The following GABRB1 variants were observed in gnomAD, a reference collection of about 807,000 sequenced individuals.
GABRB1 encodes gamma-aminobutyric acid receptor subunit beta-1.
GABRB1 carries 17 observed loss-of-function variants against 51.6 expected under a neutral mutation model. That is an observed-to-expected ratio of 0.33 (90% confidence interval 0.23 to 0.49). The LOEUF (loss-of-function observed/expected upper bound fraction) is 0.49. GABRB1 is among the 20% of genes least tolerant of loss of function. The pLI is 0.99. For synonymous variants in GABRB1, 247 were observed against 218.9 expected, an observed-to-expected ratio of 1.13 and a Z score of -1.14; for missense variants, 410 against 600.6, an observed-to-expected ratio of 0.68 and a Z score of 3.32.
At chr4:47,266,812 G>A (rs1347042943) in intron 4 of GABRB1, among the ~76,000 whole-genome samples, 1 of 152,060 alleles carries the variant, frequency 6.6e-6, no homozygotes, top group Non-Finnish European at 1.5e-5. Context: ...TGAGGGTCCA[G>A]TTTATGTTCA....
At chr4:47,279,329 G>A (rs1723193639) in intron 4 of GABRB1, among the ~76,000 whole-genome samples, 1 of 152,070 alleles carries the variant, frequency 6.6e-6, no homozygotes, top group Admixed American at 6.6e-5. Context: ...TTTAGCAGGT[G>A]GTGACAAGCA....
At chr4:47,230,492 C>T (rs537981208) in intron 4 of GABRB1, among the ~76,000 whole-genome samples, 73 of 152,206 alleles carry the variant, frequency 4.8e-4, no homozygotes, top group African/African-American at 1.7e-3. Flanking sequence ...CCCAGTGGCC[C>T]CCTTGGAAGG....
chr4:47,426,290 G>T lies in GABRB1; in HGVS notation c.*272G>T, dbSNP rs1276847559. On this transcript the variant is annotated 3_prime_UTR_variant, in exon 9 of 9. Transcript: ENST00000295454. ...ATGTTTACAAACAAACACAAAGAGA[G>T]AAGTTAGACAGGTAGATCTTTAGCA... The T allele has an allele frequency of 3.7e-6, 1 of 269,690 alleles. No homozygotes were observed. Among genetic ancestry groups the T allele is most frequent in the African/African-American group, 2.2e-5 (1 of 45,690 alleles). The allele number at this position is 269,690 out of a possible 1,614,324, so 16.7% of individuals were successfully genotyped here. A position where few individuals can be genotyped will look rare whatever the true frequency, so the allele number is the denominator to read the frequency against.
chr4:47,090,451 A>G (rs1281975393), intron 3 of GABRB1, among the ~76,000 whole-genome samples: 1 of 152,220 alleles, frequency 6.6e-6, no homozygotes, highest in African/African-American at 2.4e-5. Context: ...AAATCACTCA[A>G]ATTTAAACAC....
At chr4:47,174,090 G>A (rs940841393) in intron 4 of GABRB1, among the ~76,000 whole-genome samples, 6 of 151,810 alleles carry the variant, frequency 4.0e-5, no homozygotes, top group Non-Finnish European at 8.8e-5. Context: ...GAGTGAAACA[G>A]TATTTCACTC....
At chr4:47,061,895 C>A (rs145270104) in intron 3 of GABRB1, among the ~76,000 whole-genome samples, 3 of 152,230 alleles carry the variant, frequency 2.0e-5, no homozygotes, top group South Asian at 2.1e-4. Flanking sequence ...TTCAGTTTAG[C>A]GCCTCTTAAA....
At chr4:46,996,768 T>G in intron 1 of GABRB1, among the ~76,000 whole-genome samples, 1 of 152,184 alleles carries the variant, frequency 6.6e-6, no homozygotes, top group East Asian at 1.9e-4. Flanking sequence ...TCCCATCTAT[T>G]GTCAATTTAT....
At chr4:47,348,828 A>G (rs541951267) in intron 5 of GABRB1, among the ~76,000 whole-genome samples, 1 of 152,342 alleles carries the variant, frequency 6.6e-6, no homozygotes, top group Non-Finnish European at 1.5e-5. Context: ...CATTGTGAAG[A>G]CTGTCAGAAT....
intron 4 of GABRB1, among the ~76,000 whole-genome samples, chr4:47,205,489 G>T (rs1720078843): frequency 6.6e-6 from 1 of 151,990 alleles, no homozygotes; most frequent in Non-Finnish European, 1.5e-5. Context: ...GCAAACACTT[G>T]AATATATTTT....
intron 7 of GABRB1, among the ~76,000 whole-genome samples, chr4:47,404,263 T>C (rs550829572): frequency 6.6e-6 from 1 of 152,266 alleles, no homozygotes; most frequent in South Asian, 2.1e-4. Context: ...CAAGACAGAA[T>C]AAAAATGATT....
At chr4:47,404,489 GCACACA>G (rs56335154) in intron 7 of GABRB1, among the ~76,000 whole-genome samples, 37,743 of 145,520 alleles carry the variant, frequency 0.26, 5,191 homozygotes, top group African/African-American at 0.37. Context: ...ACACACGCAT[GCACACA>G]CACACACACA....
intron 5 of GABRB1, among the ~76,000 whole-genome samples, chr4:47,337,808 T>TAAA (rs1170540924): frequency 2.7e-4 from 23 of 84,464 alleles, no homozygotes; most frequent in East Asian, 3.9e-4. Flanking sequence ...AGACTCTGTC[T>TAAA]AAAAAAAAAA....
chr4:47,195,452 TAGATTAGATGATAGATAGATA>T lies in GABRB1; in HGVS notation c.461+33984_461+34004del, dbSNP rs1560580391. ...GATAGATAGATAGATAGATGATAGA[TAGATTAGATGATAGATAGATA>T]GATAGATAGATAGATAGATAGATAG... On this transcript the variant is annotated intron_variant, in intron 4 of 8. Transcript: ENST00000295454. Among the ~76,000 whole-genome samples, 515 of 96,580 alleles carry T rather than the reference TAGATTAGATGATAGATAGATA, an allele frequency of 5.3e-3. 8 individuals are homozygous for T. The highest frequency in any genetic ancestry group is 0.018 in the African/African-American group (424 of 24,080). The allele number at this position is 96,580 out of a possible 152,430, so 63.4% of individuals were successfully genotyped here.
chr4:47,025,418 T>G (rs1158578972), intron 1 of GABRB1, among the ~76,000 whole-genome samples: 1 of 151,938 alleles, frequency 6.6e-6, no homozygotes, highest in Non-Finnish European at 1.5e-5. Flanking sequence ...ATTTTTTGAT[T>G]ATGGCCATTC....
chr4:47,097,823 C>T (rs1714523179), intron 3 of GABRB1, among the ~76,000 whole-genome samples: 1 of 152,154 alleles, frequency 6.6e-6, no homozygotes, highest in African/African-American at 2.4e-5. Flanking sequence ...CAGCATATAG[C>T]TCCCAACACA....
intron 4 of GABRB1, among the ~76,000 whole-genome samples, chr4:47,306,312 G>A (rs1441401020): frequency 1.3e-5 from 2 of 149,752 alleles, no homozygotes; most frequent in Non-Finnish European, 3.0e-5. Flanking sequence ...ATGGGAAGAG[G>A]AGGGGTGGGG....
intron 4 of GABRB1, among the ~76,000 whole-genome samples, chr4:47,221,100 AAAAG>A (rs1408616547): frequency 2.0e-5 from 3 of 152,034 alleles, no homozygotes; most frequent in African/African-American, 7.2e-5. Flanking sequence ...TGATTCTTAC[AAAAG>A]AAATTTTATT....
At chr4:47,004,782 T>G (rs573008389) in intron 1 of GABRB1, among the ~76,000 whole-genome samples, 18 of 152,388 alleles carry the variant, frequency 1.2e-4, no homozygotes, top group Non-Finnish European at 2.2e-4. Flanking sequence ...GGTTTTATTC[T>G]GTCAATGTGT....
chr4:47,047,153 TA>T (rs1313944471), intron 3 of GABRB1, among the ~76,000 whole-genome samples: 3 of 151,742 alleles, frequency 2.0e-5, no homozygotes, highest in African/African-American at 4.8e-5. Flanking sequence ...AAATAAAAGT[TA>T]AAAAAAATTA....
Sources: allele counts gnomAD v4.1 joint callset (sites outside exome capture counted in the v4.1 genomes callset), GRCh38; gene constraint gnomAD v4.1.1; transcripts MANE v1.5; gene names NCBI Gene and HGNC (gene_info 2026-07-23, HGNC 2026-07-21).